GRB14: variants seen among roughly 807,000 people sequenced by gnomAD.
GRB14 encodes the protein growth factor receptor bound protein 14.
GRB14 carries 38 observed loss-of-function variants against 69.1 expected under a neutral mutation model. The ratio of observed to expected loss-of-function variants is 0.55; its 90% CI spans 0.42 to 0.72. GRB14 has a LOEUF of 0.72. GRB14 is among the 30% of genes least tolerant of loss of function. GRB14 has a pLI of 0.00. For missense variants in GRB14, 666 were observed against 666.1 expected, an observed-to-expected ratio of 1.00 and a Z score of 0.00; for synonymous variants, 247 against 241.3, an observed-to-expected ratio of 1.02 and a Z score of -0.22.
intron 2 of GRB14, among the ~76,000 whole-genome samples, chr2:164,557,776 A>G (rs1289214752): frequency 6.6e-6 from 1 of 152,192 alleles, no homozygotes; most frequent in Non-Finnish European, 1.5e-5. Context: ...GCCCTGGTAT[A>G]GATTTGTATG....
chr2:164,556,822 C>G (rs1344541000), intron 2 of GRB14, among the ~76,000 whole-genome samples: 1 of 152,180 alleles, frequency 6.6e-6, no homozygotes, highest in Non-Finnish European at 1.5e-5. Flanking sequence ...ACTGTTTTCT[C>G]CTCTTTATAT....
chr2:164,595,169 T>C (rs780350880), intron 2 of GRB14, among the ~76,000 whole-genome samples: 5 of 152,254 alleles, frequency 3.3e-5, no homozygotes, highest in Admixed American at 6.5e-5. Context: ...GATTTTGCAA[T>C]AAACCAATGT....
chr2:164,605,217 A>G (rs758698703), intron 2 of GRB14, among the ~76,000 whole-genome samples: 11 of 152,050 alleles, frequency 7.2e-5, no homozygotes, highest in Non-Finnish European at 1.6e-4. Context: ...GTTCTTCCCA[A>G]AGGACTTGGT....
At chr2:164,501,724 G>C (rs1031142797) in intron 9 of GRB14, among the ~76,000 whole-genome samples, 3 of 151,890 alleles carry the variant, frequency 2.0e-5, no homozygotes, top group Admixed American at 1.3e-4. Context: ...GCTTTTAAAG[G>C]ACCTGGAACT....
intron 2 of GRB14, among the ~76,000 whole-genome samples, chr2:164,602,789 G>GTAATT (rs1393290645): frequency 6.6e-6 from 1 of 152,164 alleles, no homozygotes; most frequent in Non-Finnish European, 1.5e-5. Context: ...ATAATGTAAT[G>GTAATT]TAATTGACCT....
At chr2:164,536,741 T>A (rs1688089071) in intron 3 of GRB14, among the ~76,000 whole-genome samples, 2 of 152,232 alleles carry the variant, frequency 1.3e-5, no homozygotes, top group South Asian at 4.1e-4. Context: ...ATGGATGTAC[T>A]ATAATTTATA....
intron 6 of GRB14, among the ~76,000 whole-genome samples, chr2:164,521,492 G>C (rs745784765): frequency 1.3e-5 from 2 of 152,004 alleles, no homozygotes; most frequent in Non-Finnish European, 2.9e-5. Flanking sequence ...AACACTACCT[G>C]TTCCTTAAAA....
chr2:164,539,189 T>C (rs778760692), intron 3 of GRB14, among the ~76,000 whole-genome samples: 1 of 151,964 alleles, frequency 6.6e-6, no homozygotes, highest in Non-Finnish European at 1.5e-5. Context: ...AAAATACTAA[T>C]AACGGTCGGG....
chr2:164,558,424 G>A (rs554836605), intron 2 of GRB14, among the ~76,000 whole-genome samples: 1 of 151,960 alleles, frequency 6.6e-6, no homozygotes, highest in Non-Finnish European at 1.5e-5. Flanking sequence ...ATCACATACA[G>A]ACACACACAC....
intron 11 of GRB14, 50 bp from the exon 12 acceptor site, chr2:164,497,145 A>G (rs1256378041): frequency 1.9e-6 from 3 of 1,596,160 alleles, no homozygotes; most frequent in Non-Finnish European, 2.6e-6. Flanking sequence ...GATGACTGCA[A>G]TTTCATTACA....
chr2:164,564,784 G>A (rs1382028256), intron 2 of GRB14, among the ~76,000 whole-genome samples: 1 of 152,092 alleles, frequency 6.6e-6, no homozygotes, highest in African/African-American at 2.4e-5. Flanking sequence ...GGGAGGCCGA[G>A]GTGGGCAGAT....
At chr2:164,575,793 C>A (rs996362975) in intron 2 of GRB14, among the ~76,000 whole-genome samples, 19 of 151,994 alleles carry the variant, frequency 1.3e-4, no homozygotes, top group Non-Finnish European at 2.2e-4. Flanking sequence ...GAAATATAAA[C>A]TTTTCTAATA....
chr2:164,582,364 C>T (rs1023662823), intron 2 of GRB14, among the ~76,000 whole-genome samples: 1 of 152,114 alleles, frequency 6.6e-6, no homozygotes, highest in African/African-American at 2.4e-5. Flanking sequence ...AATTTTACTT[C>T]CTAAGCATCT....
intron 2 of GRB14, among the ~76,000 whole-genome samples, chr2:164,581,698 G>A (rs1351898297): frequency 6.6e-6 from 1 of 152,150 alleles, no homozygotes; most frequent in African/African-American, 2.4e-5. Flanking sequence ...CAAATTTGTT[G>A]TAATTTGTTA....
At chr2:164,517,506 C>T (rs978553344) in intron 6 of GRB14, among the ~76,000 whole-genome samples, 5 of 152,138 alleles carry the variant, frequency 3.3e-5, no homozygotes, top group African/African-American at 9.7e-5. Context: ...ACCTCAGTAC[C>T]TCACATCTCA....
intron 2 of GRB14, among the ~76,000 whole-genome samples, chr2:164,591,348 G>T (rs187318724): frequency 4.6e-5 from 7 of 152,178 alleles, no homozygotes; most frequent in Non-Finnish European, 5.9e-5. Context: ...AAATCTTGAA[G>T]GTCAAAAAGA....
At chr2:164,609,591 T>C (rs1309213612) in intron 2 of GRB14, among the ~76,000 whole-genome samples, 2 of 152,240 alleles carry the variant, frequency 1.3e-5, no homozygotes, top group African/African-American at 2.4e-5. Context: ...ATATTTATTA[T>C]ATAAATTACA....
chr2:164,565,074 T>C (rs1477851612), intron 2 of GRB14, among the ~76,000 whole-genome samples: 1 of 152,140 alleles, frequency 6.6e-6, no homozygotes, highest in Non-Finnish European at 1.5e-5. Flanking sequence ...ACATGAAATA[T>C]GCCTGACCCA....
chr2:164,547,853 T>A (rs772092755), intron 2 of GRB14, 37 bp from the exon 3 acceptor site: 2 of 1,472,398 alleles, frequency 1.4e-6, no homozygotes, highest in East Asian at 2.3e-5. Flanking sequence ...CCTAAAATAT[T>A]CCTGTTTGTG....
Sources: gnomAD v4.1 joint callset for allele counts (sites outside exome capture counted in the v4.1 genomes callset) on GRCh38, gnomAD v4.1.1 for gene constraint, MANE v1.5 for transcripts, NCBI Gene and HGNC (gene_info 2026-07-23, HGNC 2026-07-21) for gene names.